The following PCDH7 variants were observed in gnomAD, a reference collection of about 807,000 sequenced individuals.
The protein encoded by PCDH7 is protocadherin 7, also known as protocadherin-7.
Under a neutral mutation model 58.9 loss-of-function variants are expected in PCDH7, and 17 were observed. The ratio of observed to expected loss-of-function variants is 0.29; its 90% confidence interval spans 0.20 to 0.43. The LOEUF (loss-of-function observed/expected upper bound fraction) is 0.43. PCDH7 is among the 20% of genes least tolerant of loss of function. The pLI is 1.00. For missense variants in PCDH7, 1,274 were observed against 1,441.0 expected, an observed-to-expected ratio of 0.88 and a Z score of 1.88; for synonymous variants, 664 against 616.4, an observed-to-expected ratio of 1.08 and a Z score of -1.14.
intron 1 of PCDH7, among the ~76,000 whole-genome samples, chr4:30,738,981 A>T (rs563433008): frequency 2.6e-5 from 4 of 152,020 alleles, no homozygotes; most frequent in Admixed American, 2.6e-4. Flanking sequence ...GTACGCATGC[A>T]ATACACGTTT....
intron 1 of PCDH7, among the ~76,000 whole-genome samples, chr4:30,824,944 A>G (rs753533556): frequency 7.9e-5 from 12 of 152,096 alleles, no homozygotes; most frequent in South Asian, 2.1e-4. Flanking sequence ...GAGACAGAGG[A>G]TGAATACCCT....
chr4:30,798,002 T>C (rs972647616), intron 1 of PCDH7, among the ~76,000 whole-genome samples: 1 of 152,198 alleles, frequency 6.6e-6, no homozygotes, highest in Non-Finnish European at 1.5e-5. Flanking sequence ...TTTGTGTTAC[T>C]CAGGATCTAC....
chr4:31,009,618 T>G (rs2109149879), intron 3 of PCDH7, among the ~76,000 whole-genome samples: 1 of 152,108 alleles, frequency 6.6e-6, no homozygotes, highest in South Asian at 2.1e-4. Context: ...GTTTTTTTGT[T>G]ATCAGATGTA....
intron 3 of PCDH7, among the ~76,000 whole-genome samples, chr4:31,102,838 A>G (rs1469384264): frequency 2.6e-5 from 4 of 152,172 alleles, no homozygotes; most frequent in African/African-American, 9.6e-5. Flanking sequence ...AGTAATAACA[A>G]CCTACCTTTT....
intron 3 of PCDH7, among the ~76,000 whole-genome samples, chr4:30,975,141 CATT>C (rs1749953946): frequency 9.9e-6 from 1 of 101,194 alleles, no homozygotes; most frequent in African/African-American, 3.8e-5. Flanking sequence ...CCTTCCCTTT[CATT>C]GTGTGTGTGT....
intron 3 of PCDH7, among the ~76,000 whole-genome samples, chr4:30,998,663 A>G (rs1472142163): frequency 2.6e-5 from 4 of 152,152 alleles, no homozygotes; most frequent in African/African-American, 9.6e-5. Context: ...TCTGAGGCAT[A>G]CTAATATTTG....
chr4:30,724,032 C>T lies in PCDH7; in HGVS notation c.2610C>T (p.Ser870=), dbSNP rs753985937. The change falls in exon 1 of 2, where the codon AGC becomes AGT. Residue 870 remains serine (S), a synonymous_variant. Coordinates refer to ENST00000361762, the Ensembl canonical transcript of PCDH7. The stretch of plus-strand genomic sequence containing the variant: ...CCCAGGATATAGCTGGTGACCCAAG[C>T]TATGAAATTAGCAAACAGAGACTCA... The T allele has an allele frequency of 4.3e-6, 7 of 1,614,088 alleles. No individual in the cohort carries two copies. In the Admixed American group the frequency reaches 6.7e-5, roughly 15 times the overall value.
chr4:31,097,604 ATATATATATATATATATATATATATATAT>A (rs1274932253), intron 3 of PCDH7, among the ~76,000 whole-genome samples: 5,844 of 39,412 alleles, frequency 0.15, 513 homozygotes, highest in Middle Eastern at 0.3. Context: ...ATATATATAT[ATATATATATATATATATATATATATATAT>A]ATATAAATCT....
intron 3 of PCDH7, among the ~76,000 whole-genome samples, chr4:31,075,605 G>A (rs1470003015): frequency 6.6e-6 from 1 of 152,088 alleles, no homozygotes; most frequent in African/African-American, 2.4e-5. Flanking sequence ...TTATGACTTG[G>A]GACCCTCAAG....
intron 3 of PCDH7, among the ~76,000 whole-genome samples, chr4:31,005,929 A>G (rs1285905757): frequency 3.3e-5 from 5 of 152,216 alleles, no homozygotes; most frequent in Non-Finnish European, 1.5e-5. Flanking sequence ...TTGCAGCCCA[A>G]CTTCATCACT....
At chr4:31,067,939 A>G (rs1364666039) in intron 3 of PCDH7, among the ~76,000 whole-genome samples, 1 of 151,982 alleles carries the variant, frequency 6.6e-6, no homozygotes, top group East Asian at 1.9e-4. Flanking sequence ...CATTCATACC[A>G]AAAGATACTT....
chr4:30,889,137 C>CAAAAAAAAAAAAAAAA lies in PCDH7; in HGVS notation c.71-31012_71-30997dup, dbSNP rs371917620. 4.9e-3 allele frequency among the ~76,000 whole-genome samples: 246 copies of CAAAAAAAAAAAAAAAA among 49,798 alleles called. 2 individuals are homozygous for CAAAAAAAAAAAAAAAA. Among genetic ancestry groups the CAAAAAAAAAAAAAAAA allele is most frequent in the Non-Finnish European group, 5.8e-3 (148 of 25,370 alleles). 32.7% of individuals were successfully genotyped at this position (49,798 alleles called of 152,430 possible). A position where few individuals can be genotyped will look rare whatever the true frequency, so the allele number is the denominator to read the frequency against. ...CAGAGGTTGTGGTGAGCAGATATCT[C>CAAAAAAAAAAAAAAAA]AAAAAAAAAAAAAAAAAAAGCAAAA... is the stretch of plus-strand genomic sequence containing the variant. On this transcript the variant is annotated intron_variant, in intron 1 of 3. Coordinates refer to the PCDH7 transcript ENST00000509759.
intron 1 of PCDH7, among the ~76,000 whole-genome samples, chr4:30,889,878 G>A (rs543533610): frequency 6.6e-6 from 1 of 152,132 alleles, no homozygotes; most frequent in African/African-American, 2.4e-5. Context: ...TCAGACCATA[G>A]CAGCATCATA....
At chr4:31,077,137 G>A (rs1759065979) in intron 3 of PCDH7, among the ~76,000 whole-genome samples, 1 of 152,136 alleles carries the variant, frequency 6.6e-6, no homozygotes, top group South Asian at 2.1e-4. Flanking sequence ...CAGGCTGGGT[G>A]CAGTGGCTCA....
At chr4:30,802,108 T>C (rs1725599455) in intron 1 of PCDH7, among the ~76,000 whole-genome samples, 1 of 152,196 alleles carries the variant, frequency 6.6e-6, no homozygotes, top group South Asian at 2.1e-4. Flanking sequence ...TCATGGATCT[T>C]CAACTTAAAT....
At chr4:31,030,883 T>G (rs1469116493) in intron 3 of PCDH7, among the ~76,000 whole-genome samples, 1 of 152,222 alleles carries the variant, frequency 6.6e-6, no homozygotes, top group Non-Finnish European at 1.5e-5. Context: ...TAATTTTGTT[T>G]ATTGCAGAAT....
chr4:31,079,315 T>G (rs1244858087), intron 3 of PCDH7, among the ~76,000 whole-genome samples: 2 of 10,246 alleles, frequency 2.0e-4, no homozygotes, highest in African/African-American at 5.6e-4. Flanking sequence ...GGAAGATATA[T>G]ATATATATAT....
chr4:31,059,894 A>G (rs1757546222), intron 3 of PCDH7, among the ~76,000 whole-genome samples: 1 of 151,812 alleles, frequency 6.6e-6, no homozygotes, highest in Non-Finnish European at 1.5e-5. Flanking sequence ...CTTAGAGATC[A>G]TCTAATCTAT....
chr4:31,141,232 A>G (rs375292572), intron 3 of PCDH7, among the ~76,000 whole-genome samples: 8 of 152,260 alleles, frequency 5.3e-5, no homozygotes, highest in East Asian at 1.9e-4. Flanking sequence ...AAACGAATCT[A>G]CTAGGATTGT....
Sources: gnomAD v4.1 joint callset for allele counts (sites outside exome capture counted in the v4.1 genomes callset) on GRCh38, gnomAD v4.1.1 for gene constraint, MANE v1.5 for transcripts, NCBI Gene and HGNC (gene_info 2026-07-23, HGNC 2026-07-21) for gene names.